Variants in ALDH18A1 observed in about 807,000 individuals in gnomAD.
ALDH18A1 encodes the protein aldehyde dehydrogenase 18 family member A1, also known as delta-1-pyrroline-5-carboxylate synthase.
ALDH18A1 carries 44 observed loss-of-function variants against 88.8 expected under a neutral mutation model. That is an observed-to-expected ratio of 0.50 (90% CI 0.39 to 0.64). The LOEUF is 0.64. Ranked by LOEUF, ALDH18A1 falls within the 30% of genes least tolerant of loss-of-function variation. ALDH18A1 has a pLI of 0.00. For missense variants in ALDH18A1, 782 were observed against 1,009.5 expected, an observed-to-expected ratio of 0.77 and a Z score of 3.05; for synonymous variants, 331 against 372.1, an observed-to-expected ratio of 0.89 and a Z score of 1.27.
chr10:95,642,330 T>C (rs2097893310), intron 3 of ALDH18A1, among the ~76,000 whole-genome samples: 1 of 152,212 alleles, frequency 6.6e-6, no homozygotes, highest in Non-Finnish European at 1.5e-5. Flanking sequence ...AAATATTTAC[T>C]ATCTGGCCTC....
intron 5 of ALDH18A1, among the ~76,000 whole-genome samples, chr10:95,634,456 T>C (rs1364251913): frequency 6.6e-6 from 1 of 152,226 alleles, no homozygotes. Flanking sequence ...CTGGCCATAG[T>C]AGGCCCTTAA....
Position 95,626,740 on chromosome 10 carries a change from G to T in ALDH18A1, c.1115C>A (p.Ser372Tyr), listed in dbSNP as rs3765571. ...TVEQQGEMAR[S>Y]GGRMLATLEP... is the part of the protein sequence containing the mutation. ...CAAGGTGGCCAACATCCTTCCTCCA[G>T]ATCGCGCCATTTCTCCCTGCTGCTC... is the stretch of plus-strand genomic sequence containing the variant. The change falls in exon 10 of 18, where the codon TCT becomes TAT. Residue 372 changes from serine to tyrosine, a missense_variant. Transcript: ENST00000371224. The T allele has an allele frequency of 0.019, 30,226 of 1,613,874 alleles. 340 individuals are homozygous for T. Among genetic ancestry groups the T allele is most frequent in the East Asian group, 0.036 (1,628 of 44,856 alleles).
intron 2 of ALDH18A1, among the ~76,000 whole-genome samples, chr10:95,652,946 G>A (rs912530794): frequency 3.3e-5 from 5 of 151,996 alleles, no homozygotes; most frequent in Non-Finnish European, 7.4e-5. Context: ...CAGCACTTTG[G>A]GAGGCCAAGG....
intron 16 of ALDH18A1, 50 bp from the exon 17 acceptor site, chr10:95,610,342 T>A (rs2097831571): frequency 1.9e-6 from 3 of 1,580,750 alleles, no homozygotes; most frequent in South Asian, 2.2e-5. Flanking sequence ...CCAGAGAACA[T>A]CCCTGTTTCC....
At position 95,611,436 on chromosome 10, in the gene ALDH18A1, T is replaced by C. The variant is rs769976269; in HGVS notation, c.1930A>G (p.Ile644Val). 6.2e-7 allele frequency: 1 copy of C among 1,614,082 alleles called. No homozygotes were observed. Among genetic ancestry groups the C allele is most frequent in the East Asian group, 2.2e-5 (1 of 44,880 alleles). ...GAGGCAAATTTGGGGCCTGCATGAA[T>C]TTTTACCTGGAACAGAGGAAGTCCA... is the stretch of plus-strand genomic sequence containing the variant. ...IDMLRVEQVK[I>V]HAGPKFASYL... Residue 644 changes from isoleucine (I) to valine (V), a missense_variant, in exon 16 of 18, where the codon ATT (isoleucine) becomes GTT (valine). This residue lies in a region of ALDH18A1 where 556 missense variants were observed against 654.5 expected (regional missense o/e 0.85). Coordinates refer to ENST00000371224, the MANE Select transcript of ALDH18A1 (RefSeq NM_002860.4).
At position 95,613,841 on chromosome 10, in the gene ALDH18A1, A is replaced by C; in HGVS notation, c.1824T>G (p.Tyr608Ter). The change falls in exon 15 of 18, where the codon TAT becomes TAG. Residue 608 changes from tyrosine (Y) to a stop codon, truncating the protein, a stop_gained. Coordinates refer to ENST00000371224, the MANE Select transcript of ALDH18A1 (RefSeq NM_002860.4). LOFTEE classifies it high-confidence loss of function. ...TRLVRDSKCE[Y>*]PAACNALETL... ...TCTCCAAAGCATTACAGGCAGCTGG[A>C]TATTCACATTTAGAGTCTCTGACTG... 1 of 1,614,212 alleles carries C rather than the reference A, an allele frequency of 6.2e-7. No individual in the cohort carries two copies. Among genetic ancestry groups the C allele is most frequent in the South Asian group, 1.1e-5 (1 of 91,088 alleles).
At chr10:95,637,579 C>G in intron 3 of ALDH18A1, 143 bp from the exon 4 acceptor site, 1 of 981,338 alleles carries the variant, frequency 1.0e-6, no homozygotes, top group Non-Finnish European at 1.5e-6. Context: ...CTGGAAGAAT[C>G]AGCCAGATTG....
intron 2 of ALDH18A1, among the ~76,000 whole-genome samples, chr10:95,647,056 CT>C (rs879517300): frequency 6.6e-6 from 1 of 151,644 alleles, no homozygotes; most frequent in African/African-American, 2.4e-5. Context: ...CCTTTCTTTT[CT>C]TTTTTTTTCC....
intron 3 of ALDH18A1, among the ~76,000 whole-genome samples, chr10:95,638,619 G>A (rs1319282611): frequency 6.6e-6 from 1 of 152,102 alleles, no homozygotes; most frequent in Non-Finnish European, 1.5e-5. Context: ...AGGCTGTTCT[G>A]GTGGCATGTC....
At chr10:95,615,189 A>C (rs1205031172) in intron 13 of ALDH18A1, among the ~76,000 whole-genome samples, 1 of 152,022 alleles carries the variant, frequency 6.6e-6, no homozygotes, top group Non-Finnish European at 1.5e-5. Context: ...AAAGTTAGTC[A>C]GGTCTGGAGG....
chr10:95,642,985 C>T lies in ALDH18A1; in HGVS notation c.303+7G>A, dbSNP rs1269982985. The T allele has an allele frequency of 1.2e-6, 2 of 1,612,780 alleles. No homozygotes were observed. Among genetic ancestry groups the T allele is most frequent in the Non-Finnish European group, 1.7e-6 (2 of 1,179,846 alleles). On this transcript the variant is annotated splice_region_variant and intron_variant, in intron 3 of 17. Transcript: ENST00000371224. ...TAGTACAGCATAATTTCTATCTTGG[C>T]AATCACCTGCTCAACAATAGATGCC... is the stretch of plus-strand genomic sequence containing the variant.
intron 7 of ALDH18A1, among the ~76,000 whole-genome samples, chr10:95,631,329 CA>C (rs1480320802): frequency 6.6e-6 from 1 of 151,626 alleles, no homozygotes; most frequent in Non-Finnish European, 1.5e-5. Context: ...AAAGGAAAAA[CA>C]AAAACAAAAA....
chr10:95,635,485 C>G (rs771971666), intron 5 of ALDH18A1, among the ~76,000 whole-genome samples: 1 of 152,152 alleles, frequency 6.6e-6, no homozygotes, highest in Non-Finnish European at 1.5e-5. Flanking sequence ...GAAGAAAAAA[C>G]AAGCTGTTTT....
intron 1 of ALDH18A1, among the ~76,000 whole-genome samples, chr10:95,654,025 G>A (rs538731861): frequency 4.4e-4 from 67 of 152,286 alleles, no homozygotes; most frequent in African/African-American, 1.4e-3. Flanking sequence ...TACAAATCTC[G>A]GTTGAGAACA....
At chr10:95,654,969 T>C (rs554534033) in intron 1 of ALDH18A1, among the ~76,000 whole-genome samples, 1 of 152,202 alleles carries the variant, frequency 6.6e-6, no homozygotes, top group South Asian at 2.1e-4. Flanking sequence ...ATAGGTTAGC[T>C]TTTAAATAGC....
intron 5 of ALDH18A1, 68 bp downstream of exon 5, chr10:95,637,025 C>T (rs1293474363): frequency 5.6e-6 from 8 of 1,420,032 alleles, no homozygotes; most frequent in Non-Finnish European, 7.9e-6. Context: ...AGTCTGGCTC[C>T]AGACCCCTTT....
chr10:95,636,280 C>T (rs560060402), intron 5 of ALDH18A1, among the ~76,000 whole-genome samples: 57 of 152,226 alleles, frequency 3.7e-4, no homozygotes, highest in African/African-American at 1.3e-3. Flanking sequence ...TATAAAATAA[C>T]AGCTATTTTA....
chr10:95,652,921 TCAC>T (rs1377184517), intron 2 of ALDH18A1, among the ~76,000 whole-genome samples: 105 of 152,028 alleles, frequency 6.9e-4, no homozygotes, highest in African/African-American at 2.3e-3. Flanking sequence ...GCACGATGGC[TCAC>T]GCCTGTAATC....
intron 15 of ALDH18A1, 108 bp downstream of exon 15, chr10:95,613,634 T>C: frequency 1.4e-6 from 2 of 1,427,482 alleles, no homozygotes. Flanking sequence ...ACAGAAGATA[T>C]TAAAAAATAT....
Sources: allele counts gnomAD v4.1 joint callset (sites outside exome capture counted in the v4.1 genomes callset), GRCh38; gene constraint gnomAD v4.1.1; regional missense constraint gnomAD v4.1.1; transcripts MANE v1.5; gene names NCBI Gene and HGNC (gene_info 2026-07-23, HGNC 2026-07-21).